Variants in BOD1L1 observed in about 807,000 individuals in gnomAD.
BOD1L1 encodes the protein biorientation of chromosomes in cell division 1 like 1.
In BOD1L1, 86 loss-of-function variants were observed where a neutral mutation model predicts 240.7. That is an observed-to-expected ratio of 0.36 (90% CI 0.30 to 0.43). The LOEUF is 0.43. Among genes scored for constraint, BOD1L1 ranks in the 20% least tolerant of loss-of-function variants. The pLI is 1.00. For missense variants in BOD1L1, 3,554 were observed against 3,643.5 expected, an observed-to-expected ratio of 0.98 and a Z score of 0.63; for synonymous variants, 1,268 against 1,272.3, an observed-to-expected ratio of 1.00 and a Z score of 0.07.
At position 13,600,804 on chromosome 4, in the gene BOD1L1, C is replaced by T; in HGVS notation, c.6096G>A (p.Glu2032=). 1 of 1,613,872 alleles carries T rather than the reference C, an allele frequency of 6.2e-7. No homozygotes were observed. Among genetic ancestry groups the T allele is most frequent in the South Asian group, 1.1e-5 (1 of 91,032 alleles). The change falls in exon 10 of 26, where the codon GAG becomes GAA. Residue 2032 remains glutamate (E), a synonymous_variant. Coordinates refer to ENST00000040738, the MANE Select transcript of BOD1L1 (RefSeq NM_148894.3). ...CATTTTCTACAGAGGTGATGATGTC[C>T]TCATCTTCTTTTTCACTTGGTGATG... is the stretch of plus-strand genomic sequence containing the variant. The part of the protein sequence containing the change: ...AHTSPSEKED[E]DIITSVENEE...
Position 13,581,142 on chromosome 4 carries a change from C to A in BOD1L1, c.8658G>T (p.Thr2886=). 1 of 1,576,520 alleles carries A rather than the reference C, an allele frequency of 6.3e-7. No homozygotes were observed. The highest frequency in any genetic ancestry group is 1.8e-5 in the Admixed American group (1 of 54,992). The change falls in exon 20 of 26, where the codon ACG becomes ACT. Residue 2886 remains threonine, a synonymous_variant. Transcript: ENST00000040738. ...GRPRKYPVET[T]LKMKDDSKTD... ...ACACCAAGTACCTACTCATTTTTAA[C>A]GTTGTTTCTACAGGGTATTTGCGAG...
At chr4:13,624,290 T>C (rs1717237841) in intron 1 of BOD1L1, 1 of 152,134 alleles carries the variant, frequency 6.6e-6, no homozygotes, top group Non-Finnish European at 1.5e-5. Flanking sequence ...CAACCATAGC[T>C]GAGTGTTCTT....
At chr4:13,610,797 C>G (rs1237247141) in intron 6 of BOD1L1, 137 bp downstream of exon 6, 3 of 597,592 alleles carry the variant, frequency 5.0e-6, no homozygotes, top group Admixed American at 7.2e-5. Context: ...TCTACTCTAC[C>G]TAGTTAAATG....
In BOD1L1 at chr4:13,577,430, G is replaced by A. The variant is rs773572444; in HGVS notation, c.8857C>T (p.Arg2953Cys). ...GCATCATCTGATACAGTGAGAGAAC[G>A]TTTGGGTTTTCTTCCTCTCCGACGC... ...SVRRRGRKPKRSLTVSDDAES... is the reference protein window; with the variant it reads ...SVRRRGRKPKCSLTVSDDAES... Residue 2953 changes from arginine to cysteine, a missense_variant, in exon 24 of 26, where the codon CGT becomes TGT. Physicochemically the swap from Arg to Cys is radical, Grantham distance 180. Around this residue, in one of 2 missense-constraint regions of BOD1L1, gnomAD observed 3,393 missense variants for 3,427.1 expected, o/e 0.99. Coordinates refer to ENST00000040738, the MANE Select transcript of BOD1L1 (RefSeq NM_148894.3). 6.8e-6 allele frequency: 11 copies of A among 1,613,714 alleles called. No homozygotes were observed. In the Admixed American group the frequency reaches 1.3e-4, roughly 20 times the overall value.
Position 13,613,641 on chromosome 4 carries a change from C to A in BOD1L1, c.1195G>T (p.Asp399Tyr). Residue 399 changes from aspartate (D) to tyrosine (Y), a missense_variant, in exon 5 of 26, where the codon GAT becomes TAT. By Grantham distance (160) the Asp-to-Tyr change is radical. This residue lies in a region of BOD1L1 where 3,393 missense variants were observed against 3,427.1 expected (regional missense o/e 0.99). Transcript: ENST00000040738. The surrounding 1 kb of genome is among the most constrained non-coding windows in gnomAD (Gnocchi z 4.0). ...TKEDFSLIDS[D>Y]VDGLTDITVS... ...GTGATGTCTGTAAGTCCATCCACAT[C>A]AGAATCTATCAAAGAGAAATCTTCA... The A allele has an allele frequency of 6.4e-7, 1 of 1,554,788 alleles. No homozygotes were observed. The highest frequency in any genetic ancestry group is 8.7e-7 in the Non-Finnish European group (1 of 1,146,600).
At position 13,604,668 on chromosome 4, in the gene BOD1L1, T is replaced by C; in HGVS notation, c.2232A>G (p.Lys744=). 6.3e-7 allele frequency: 1 copy of C among 1,590,764 alleles called. No homozygotes were observed. The highest frequency in any genetic ancestry group is 8.5e-7 in the Non-Finnish European group (1 of 1,173,924). Reference sequence around the variant, plus strand: ...TTTTATGCATACAATCACCTTTATATTTATGTTTCACAGACAATTTGTCTT... The same window carrying C: ...TTTTATGCATACAATCACCTTTATACTTATGTTTCACAGACAATTTGTCTT... ...PSEDKLSVKH[K]YKGDCMHKTG... The change falls in exon 10 of 26, where the codon AAA becomes AAG. Residue 744 remains lysine (K), a synonymous_variant. Transcript: ENST00000040738.
chr4:13,577,447 C>T lies in BOD1L1; in HGVS notation c.8840G>A (p.Arg2947Lys). The T allele has an allele frequency of 3.1e-6, 5 of 1,613,808 alleles. No individual in the cohort carries two copies. Among genetic ancestry groups the T allele is most frequent in the African/African-American group, 1.3e-5 (1 of 75,042 alleles). Residue 2947 changes from arginine (R) to lysine (K), a missense_variant, in exon 24 of 26, where the codon AGA becomes AAA. Around this residue, in one of 2 missense-constraint regions of BOD1L1, gnomAD observed 3,393 missense variants for 3,427.1 expected, o/e 0.99. Coordinates refer to ENST00000040738, the MANE Select transcript of BOD1L1 (RefSeq NM_148894.3). ...GAGAGAACGTTTGGGTTTTCTTCCT[C>T]TCCGACGCACACTTGTTACTATTTT... ...EEKIVTSVRR[R>K]GRKPKRSLTV...
At chr4:13,610,397 C>T (rs1337567893) in intron 6 of BOD1L1, among the ~76,000 whole-genome samples, 1 of 152,154 alleles carries the variant, frequency 6.6e-6, no homozygotes, top group Non-Finnish European at 1.5e-5. Context: ...AGGTTGTTAC[C>T]AGTTTCACTA....
In BOD1L1 at chr4:13,600,551, C is replaced by A. The variant is rs747644352; in HGVS notation, c.6349G>T (p.Ala2117Ser). The A allele has an allele frequency of 6.2e-7, 1 of 1,613,344 alleles. No homozygotes were observed. Among genetic ancestry groups the A allele is most frequent in the Admixed American group, 1.7e-5 (1 of 59,974 alleles). Reference protein sequence around the residue: ...GTRVTTEEFEAPMPSAVSGDD... With the variant: ...GTRVTTEEFESPMPSAVSGDD... ...CCTGAGACTGCACTGGGCATGGGGG[C>A]CTCAAATTCTTCTGTGGTTACTCTG... Residue 2117 changes from alanine (A) to serine (S), a missense_variant, in exon 10 of 26, where the codon GCC becomes TCC. Coordinates refer to ENST00000040738, the MANE Select transcript of BOD1L1 (RefSeq NM_148894.3).
chr4:13,605,504 G>T (rs966682116), intron 9 of BOD1L1, among the ~76,000 whole-genome samples: 2 of 152,140 alleles, frequency 1.3e-5, no homozygotes, highest in African/African-American at 4.8e-5. Context: ...TGTTAGGAAT[G>T]AGTTTAGATT....
chr4:13,627,720 G>T lies in BOD1L1; in HGVS notation c.-133C>A. 1 of 769,572 alleles carries T rather than the reference G, an allele frequency of 1.3e-6. No individual in the cohort carries two copies. The highest frequency in any genetic ancestry group is 1.6e-6 in the Non-Finnish European group (1 of 626,362). 47.7% of individuals were successfully genotyped at this position (769,572 alleles called of 1,614,324 possible). A position where few individuals can be genotyped will look rare whatever the true frequency, so the allele number is the denominator to read the frequency against. On this transcript the variant is annotated 5_prime_UTR_variant, in exon 1 of 26. Transcript: ENST00000040738. ...GAACCAGCGGATCCAGAGCAACCCC[G>T]GAAGTGAAAGGGAACTGGGGGAAAG...
In BOD1L1 at chr4:13,611,112, T is replaced by C; in HGVS notation, c.1325-12A>G. 2 of 1,572,202 alleles carry C rather than the reference T, an allele frequency of 1.3e-6. No individual in the cohort carries two copies. Among genetic ancestry groups the C allele is most frequent in the Non-Finnish European group, 8.7e-7 (1 of 1,149,544 alleles). ...GTTCTTCTCTTCATCTGTAAGAAAGTTAATAGAAAGAGGAGTATGTCTGTG... is the reference window on the plus strand; with the variant it reads ...GTTCTTCTCTTCATCTGTAAGAAAGCTAATAGAAAGAGGAGTATGTCTGTG... On this transcript the variant is annotated splice_polypyrimidine_tract_variant and intron_variant, in intron 5 of 25. Coordinates refer to ENST00000040738, the MANE Select transcript of BOD1L1 (RefSeq NM_148894.3).
rs1715669766 is a variant in BOD1L1 at position 13,605,995 on chromosome 4, C to G, written c.1816-911G>C. ...AATCCACTTCAATAATACTCACTGACTACTAGCTATAATTATTCTTATGCA... is the reference window on the plus strand; with the variant it reads ...AATCCACTTCAATAATACTCACTGAGTACTAGCTATAATTATTCTTATGCA... On this transcript the variant is annotated intron_variant, in intron 9 of 25. Transcript: ENST00000040738. 2.0e-5 allele frequency among the ~76,000 whole-genome samples: 3 copies of G among 152,190 alleles called. No homozygotes were observed. In the South Asian group the frequency reaches 6.2e-4, roughly 32 times the overall value.
chr4:13,570,242 A>C, intron 25 of BOD1L1, 114 bp from the exon 26 acceptor site: 1 of 705,034 alleles, frequency 1.4e-6, no homozygotes, highest in Non-Finnish European at 2.2e-6. Flanking sequence ...GAAGAGAAAA[A>C]CCCAGTAACA....
intron 14 of BOD1L1, 30 bp downstream of exon 14, chr4:13,590,356 A>G (rs764878254): frequency 4.8e-6 from 6 of 1,237,962 alleles, no homozygotes; most frequent in Non-Finnish European, 5.7e-6. Flanking sequence ...TATAATATTA[A>G]AACTATAACT....
intron 6 of BOD1L1, among the ~76,000 whole-genome samples, chr4:13,609,738 T>C (rs1331156728): frequency 6.6e-6 from 1 of 152,198 alleles, no homozygotes; most frequent in Non-Finnish European, 1.5e-5. Flanking sequence ...ATTAAAATGA[T>C]AGCTGTGAAA....
Position 13,599,479 on chromosome 4 carries a change from TTA to T in BOD1L1, c.7419_7420del (p.Asp2473GlufsTer12). ...CCCTGCTGTCCCTGTCTCTGGGCTC[TTA>T]TCTTCTTTCTGAAGGGAGTTCAACA... On this transcript the variant is annotated frameshift_variant, in exon 10 of 26. Transcript: ENST00000040738. LOFTEE classifies it high-confidence loss of function. 6.2e-7 allele frequency: 1 copy of T among 1,614,044 alleles called. No individual in the cohort carries two copies. The highest frequency in any genetic ancestry group is 8.5e-7 in the Non-Finnish European group (1 of 1,179,892).
intron 13 of BOD1L1, among the ~76,000 whole-genome samples, chr4:13,590,744 C>T (rs909046962): frequency 1.3e-5 from 2 of 152,092 alleles, no homozygotes; most frequent in African/African-American, 4.8e-5. Flanking sequence ...ATTTCCCTTC[C>T]CATCCAAATC....
intron 2 of BOD1L1, among the ~76,000 whole-genome samples, chr4:13,616,340 G>A (rs967285856): frequency 1.1e-4 from 16 of 152,188 alleles, no homozygotes; most frequent in Admixed American, 9.2e-4. Flanking sequence ...CTTCATAAAG[G>A]AGAAGACATT....
Sources: gnomAD v4.1 joint callset for allele counts (sites outside exome capture counted in the v4.1 genomes callset) on GRCh38, gnomAD v4.1.1 for gene constraint, gnomAD v4.1.1 regional missense constraint, Gnocchi (gnomAD v3.1) non-coding constraint, MANE v1.5 for transcripts, NCBI Gene and HGNC (gene_info 2026-07-23, HGNC 2026-07-21) for gene names.